The following MCPH1 variants were observed in gnomAD, a reference collection of about 807,000 sequenced individuals.
MCPH1 encodes the protein microcephalin.
A neutral mutation model predicts 84.5 loss-of-function variants in MCPH1; 104 were observed. That is an observed-to-expected ratio of 1.23 (90% CI 1.05 to 1.45). The LOEUF is 1.45. Ranked by LOEUF, MCPH1 falls within the 40% of genes most tolerant of loss-of-function variation. The pLI is 0.00. For missense variants in MCPH1, 1,498 were observed against 1,005.7 expected, an observed-to-expected ratio of 1.49 and a Z score of -6.62; for synonymous variants, 514 against 366.8, an observed-to-expected ratio of 1.40 and a Z score of -4.58.
chr8:6,514,726 C>T, intron 12 of MCPH1: 1 of 1,614,106 alleles, frequency 6.2e-7, no homozygotes, highest in Non-Finnish European at 8.5e-7. Context: ...GCCATCCTCA[C>T]GTCGCTGAAT....
chr8:6,513,712 G>A (rs755690432), intron 12 of MCPH1: 1 of 1,613,234 alleles, frequency 6.2e-7, no homozygotes, highest in African/African-American at 1.3e-5. Context: ...AGATAGAAAT[G>A]TTCATACAAT....
At chr8:6,519,788 C>G in intron 12 of MCPH1, 1 of 1,537,838 alleles carries the variant, frequency 6.5e-7, no homozygotes, top group Non-Finnish European at 8.9e-7. Context: ...GGAGAGACTT[C>G]TGCTCTCTGG....
At chr8:6,426,367 G>C (rs535669626) in intron 3 of MCPH1, among the ~76,000 whole-genome samples, 9 of 152,178 alleles carry the variant, frequency 5.9e-5, no homozygotes, top group African/African-American at 2.2e-4. Context: ...TCCCACCCCA[G>C]GGCAGCCACA....
chr8:6,428,745 G>GCACACACACACA (rs59969242), intron 3 of MCPH1, among the ~76,000 whole-genome samples: 4 of 149,460 alleles, frequency 2.7e-5, no homozygotes, highest in African/African-American at 9.8e-5. Context: ...ACGTGCGCAC[G>GCACACACACACA]CACACACACA....
At chr8:6,436,337 A>T (rs6651430) in intron 5 of MCPH1, among the ~76,000 whole-genome samples, 175 bp downstream of exon 5, 1 of 152,250 alleles carries the variant, frequency 6.6e-6, no homozygotes, top group Non-Finnish European at 1.5e-5. Flanking sequence ...TGGGAGCCAT[A>T]ATAGAGCCAC....
At chr8:6,477,492 G>A (rs1808627338) in intron 9 of MCPH1, 102 bp from the exon 10 acceptor site, 1 of 1,020,430 alleles carries the variant, frequency 9.8e-7, no homozygotes, top group African/African-American at 1.6e-5. Flanking sequence ...TTATTTTTAA[G>A]TGATGTAACT....
chr8:6,469,627 A>C (rs1807453357), intron 9 of MCPH1, among the ~76,000 whole-genome samples: 1 of 152,204 alleles, frequency 6.6e-6, no homozygotes, highest in Non-Finnish European at 1.5e-5. Context: ...TATTTTACTT[A>C]TTCTTAAGGA....
intron 12 of MCPH1, among the ~76,000 whole-genome samples, chr8:6,543,120 A>G (rs1416619070): frequency 1.3e-5 from 2 of 151,618 alleles, no homozygotes; most frequent in African/African-American, 4.9e-5. Flanking sequence ...CCCAGCCAAG[A>G]CTTTCTGCTT....
chr8:6,635,872 G>GTTGTGGCTGC (rs1470280142), intron 13 of MCPH1, among the ~76,000 whole-genome samples: 1 of 152,206 alleles, frequency 6.6e-6, no homozygotes, highest in Non-Finnish European at 1.5e-5. Context: ...GCTGTTGTTT[G>GTTGTGGCTGC]TTGTTGCTGC....
chr8:6,425,756 G>C (rs533237341), intron 3 of MCPH1, among the ~76,000 whole-genome samples: 1 of 152,158 alleles, frequency 6.6e-6, no homozygotes, highest in East Asian at 1.9e-4. Flanking sequence ...TCTGCTCCTC[G>C]GTTTTCTGTG....
At chr8:6,631,130 ACCCAGTTCCCAGTT>A (rs938471825) in intron 13 of MCPH1, among the ~76,000 whole-genome samples, 5 of 152,328 alleles carry the variant, frequency 3.3e-5, no homozygotes, top group Admixed American at 6.5e-5. Context: ...CATGGTGGCA[ACCCAGTTCCCAGTT>A]CCCAGTTCCC....
chr8:6,567,256 G>GTGGTGA (rs1826267964), intron 12 of MCPH1, among the ~76,000 whole-genome samples: 1 of 152,088 alleles, frequency 6.6e-6, no homozygotes, highest in African/African-American at 2.4e-5. Flanking sequence ...AGCATGCAGT[G>GTGGTGA]CGGTGACCGT....
intron 11 of MCPH1, among the ~76,000 whole-genome samples, chr8:6,483,095 T>C (rs1223563485): frequency 6.6e-6 from 1 of 152,192 alleles, no homozygotes; most frequent in African/African-American, 2.4e-5. Flanking sequence ...AAGAATTCCA[T>C]TGAAACTTCA....
At chr8:6,529,860 G>T (rs1009646399) in intron 12 of MCPH1, among the ~76,000 whole-genome samples, 1 of 146,212 alleles carries the variant, frequency 6.8e-6, no homozygotes. Context: ...TGGATAACAT[G>T]ATATCTAGTT....
intron 3 of MCPH1, among the ~76,000 whole-genome samples, chr8:6,422,949 A>G (rs1196010845): frequency 6.6e-6 from 1 of 151,426 alleles, no homozygotes; most frequent in Non-Finnish European, 1.5e-5. Flanking sequence ...CGGTCTCCCA[A>G]AGTGCTAGGA....
chr8:6,473,653 A>G (rs1187844959), intron 9 of MCPH1, among the ~76,000 whole-genome samples: 1 of 152,140 alleles, frequency 6.6e-6, no homozygotes, highest in African/African-American at 2.4e-5. Context: ...TAACAATGCT[A>G]TATTTGTTGT....
At chr8:6,538,006 G>A (rs1358122219) in intron 12 of MCPH1, among the ~76,000 whole-genome samples, 1 of 152,116 alleles carries the variant, frequency 6.6e-6, no homozygotes, top group Non-Finnish European at 1.5e-5. Context: ...GAATTTTCTG[G>A]TAAATTAACA....
chr8:6,605,059 C>T (rs1394862179), intron 12 of MCPH1, among the ~76,000 whole-genome samples: 1 of 152,120 alleles, frequency 6.6e-6, no homozygotes, highest in East Asian at 1.9e-4. Flanking sequence ...GACCCTATGT[C>T]CCTCCTTGTC....
intron 12 of MCPH1, among the ~76,000 whole-genome samples, chr8:6,567,493 G>C (rs1466816520): frequency 6.6e-6 from 1 of 152,210 alleles, no homozygotes; most frequent in African/African-American, 2.4e-5. Context: ...TAGGTGCTTA[G>C]AGAAAGTGCC....
Sources: gnomAD v4.1 joint callset for allele counts (sites outside exome capture counted in the v4.1 genomes callset) on GRCh38, gnomAD v4.1.1 for gene constraint, MANE v1.5 for transcripts, NCBI Gene and HGNC (gene_info 2026-07-23, HGNC 2026-07-21) for gene names.